The following NAV2 variants were observed in gnomAD, a reference collection of about 807,000 sequenced individuals.
NAV2 encodes the protein helicase, APC down-regulated 1.
In NAV2, 54 loss-of-function variants were observed where a neutral mutation model predicts 223.2. The observed-to-expected ratio is 0.24, with a 90% CI of 0.19 to 0.30. NAV2 has a LOEUF of 0.30. NAV2 is among the 10% of genes least tolerant of loss of function. NAV2 has a pLI of 1.00. For missense variants in NAV2, 2,806 were observed against 3,147.5 expected (o/e 0.89, Z 2.60); for synonymous variants, 1,279 against 1,239.3 (o/e 1.03, Z -0.67).
At chr11:19,675,948 C>G (rs1363114743) in intron 1 of NAV2, among the ~76,000 whole-genome samples, 1 of 152,170 alleles carries the variant, frequency 6.6e-6, no homozygotes, top group Admixed American at 6.5e-5. Context: ...TACAACAACC[C>G]TAAGGGCAGA....
intron 6 of NAV2, among the ~76,000 whole-genome samples, chr11:19,896,834 G>A (rs2042020326): frequency 2.0e-5 from 3 of 152,184 alleles, no homozygotes; most frequent in Non-Finnish European, 4.4e-5. Flanking sequence ...TGATTCCTCA[G>A]GGATCTAGAA....
At chr11:19,586,049 T>C (rs1277878293) in intron 1 of NAV2, among the ~76,000 whole-genome samples, 3 of 152,244 alleles carry the variant, frequency 2.0e-5, no homozygotes, top group African/African-American at 7.2e-5. Flanking sequence ...TTTCACATAG[T>C]CCCATATTTG....
At chr11:19,497,554 C>A (rs2134125129) in intron 1 of NAV2, among the ~76,000 whole-genome samples, 1 of 152,264 alleles carries the variant, frequency 6.6e-6, no homozygotes, top group East Asian at 1.9e-4. Context: ...AGGCTCTCTT[C>A]CTATTTTCAG....
At chr11:19,363,541 T>C (rs1854083990) in intron 1 of NAV2, among the ~76,000 whole-genome samples, 1 of 152,220 alleles carries the variant, frequency 6.6e-6, no homozygotes, top group Non-Finnish European at 1.5e-5. Flanking sequence ...CTATTGTGAT[T>C]CATTTCTATC....
chr11:20,048,473 A>G (rs1337197002), intron 14 of NAV2, among the ~76,000 whole-genome samples: 1 of 152,182 alleles, frequency 6.6e-6, no homozygotes, highest in Non-Finnish European at 1.5e-5. Flanking sequence ...ATTATTACTC[A>G]TGGCTCTTTG....
chr11:19,851,277 T>C lies in NAV2; in HGVS notation c.438+8354T>C, dbSNP rs867308545. On this transcript the variant is annotated intron_variant, in intron 3 of 37. Transcript: ENST00000349880. The stretch of plus-strand genomic sequence containing the variant: ...GTCTACTCCCTTAACTGTTTTGCTA[T>C]TCTACATGTAAAGGAATTGATTAAA... Among the ~76,000 whole-genome samples, 49 of 152,152 alleles carry C rather than the reference T, an allele frequency of 3.2e-4. 1 individual carries two copies. Among genetic ancestry groups the C allele is most frequent in the South Asian group, 8.3e-4 (4 of 4,830 alleles).
chr11:19,413,759 G>A (rs554360158), intron 1 of NAV2, among the ~76,000 whole-genome samples: 4 of 152,072 alleles, frequency 2.6e-5, no homozygotes, highest in Non-Finnish European at 5.9e-5. Flanking sequence ...GAAGAGAGTG[G>A]GGGCCAATAT....
intron 1 of NAV2, among the ~76,000 whole-genome samples, chr11:19,501,537 A>G (rs913164838): frequency 6.6e-6 from 1 of 152,104 alleles, no homozygotes; most frequent in Non-Finnish European, 1.5e-5. Flanking sequence ...CATTCCCAAA[A>G]ACAGATCTTG....
At chr11:19,728,321 C>T (rs938248329) in intron 1 of NAV2, among the ~76,000 whole-genome samples, 3 of 152,134 alleles carry the variant, frequency 2.0e-5, no homozygotes, top group Non-Finnish European at 4.4e-5. Flanking sequence ...CTTCACCAGC[C>T]GTGTGTAGAA....
intron 1 of NAV2, among the ~76,000 whole-genome samples, chr11:19,818,399 C>G (rs997184229): frequency 6.6e-6 from 1 of 151,902 alleles, no homozygotes; most frequent in Non-Finnish European, 1.5e-5. Flanking sequence ...CCACTCTGAG[C>G]TGGGAAGAGA....
chr11:19,643,894 T>C (rs1259878124), intron 1 of NAV2, among the ~76,000 whole-genome samples: 2 of 152,258 alleles, frequency 1.3e-5, no homozygotes, highest in African/African-American at 4.8e-5. Flanking sequence ...GTGGTTTTGA[T>C]TTGCATTTCT....
At chr11:19,709,886 C>T (rs1817737335), upstream of NAV2, among the ~76,000 whole-genome samples, 1 of 152,044 alleles carries the variant, frequency 6.6e-6, no homozygotes, top group Non-Finnish European at 1.5e-5. Context: ...TGGAAACAGA[C>T]TAAAAGATTC....
intron 1 of NAV2, among the ~76,000 whole-genome samples, chr11:19,779,515 A>G (rs1222439329): frequency 6.6e-6 from 1 of 152,254 alleles, no homozygotes; most frequent in Non-Finnish European, 1.5e-5. Context: ...TGCAGAGCAC[A>G]GCCTTGGTGC....
intron 6 of NAV2, among the ~76,000 whole-genome samples, chr11:19,924,802 G>C (rs920720): frequency 0.56 from 85,671 of 151,942 alleles, 24,589 homozygotes; most frequent in East Asian, 0.74. Context: ...AATTTTGAGC[G>C]CTGTGGAGAG....
At chr11:19,465,744 G>A (rs1020826524) in intron 1 of NAV2, among the ~76,000 whole-genome samples, 1 of 152,194 alleles carries the variant, frequency 6.6e-6, no homozygotes, top group Non-Finnish European at 1.5e-5. Context: ...AAACTATCCC[G>A]TAATGTAGGC....
chr11:19,795,923 G>A (rs1259151877), intron 1 of NAV2, among the ~76,000 whole-genome samples: 2 of 152,164 alleles, frequency 1.3e-5, no homozygotes, highest in African/African-American at 2.4e-5. Context: ...TCCACAGACT[G>A]TAGTGGCTTT....
At position 19,351,053 on chromosome 11, in the gene NAV2, A is replaced by T. The variant is rs754971970; in HGVS notation, c.75+26A>T. On this transcript the variant is annotated intron_variant, in intron 1 of 37. Transcript: ENST00000360655. ...GTAAGTGGCAGAACTTTGTTGGTTG[A>T]TTGGATTATGGTGCTGATTGCTAAG... 5 of 1,470,084 alleles carry T rather than the reference A, an allele frequency of 3.4e-6. No individual in the cohort carries two copies. In the South Asian group the frequency reaches 5.0e-5, roughly 15 times the overall value. The allele number at this position is 1,470,084 out of a possible 1,614,324, so 91.1% of individuals were successfully genotyped here. A position where few individuals can be genotyped will look rare whatever the true frequency, so the allele number is the denominator to read the frequency against.
At chr11:19,926,212 C>A (rs903013691) in intron 6 of NAV2, among the ~76,000 whole-genome samples, 1 of 152,182 alleles carries the variant, frequency 6.6e-6, no homozygotes, top group African/African-American at 2.4e-5. Flanking sequence ...AGATCCTCAT[C>A]CTTATTCTAG....
intron 3 of NAV2, among the ~76,000 whole-genome samples, chr11:19,854,515 G>T (rs2061319571): frequency 6.6e-6 from 1 of 152,172 alleles, no homozygotes; most frequent in Non-Finnish European, 1.5e-5. Flanking sequence ...CTGTAACTGG[G>T]TAGGAGCTGC....
Sources: allele counts gnomAD v4.1 joint callset (sites outside exome capture counted in the v4.1 genomes callset), GRCh38; gene constraint gnomAD v4.1.1; transcripts MANE v1.5; gene names NCBI Gene and HGNC (gene_info 2026-07-23, HGNC 2026-07-21).